The following C12orf50 variants were observed in gnomAD, a reference collection of about 807,000 sequenced individuals.
The protein encoded by C12orf50 is zinc finger CCCH-type containing 11D, also known as uncharacterized protein C12orf50.
A neutral mutation model predicts 61.6 loss-of-function variants in C12orf50; 35 were observed. The observed-to-expected ratio is 0.57, with a 90% confidence interval of 0.43 to 0.75. The LOEUF is 0.75. Among genes scored for constraint, C12orf50 ranks in the 30% least tolerant of loss-of-function variants. The pLI is 0.00. For missense variants in C12orf50, 475 were observed against 488.5 expected, an observed-to-expected ratio of 0.97 and a Z score of 0.26; for synonymous variants, 178 against 161.5, an observed-to-expected ratio of 1.10 and a Z score of -0.77.
chr12:88,020,370 A>G (rs2032470410), intron 3 of C12orf50, among the ~76,000 whole-genome samples: 1 of 152,228 alleles, frequency 6.6e-6, no homozygotes, highest in Admixed American at 6.5e-5. Context: ...CAAATGGAAA[A>G]CAAAAAATAT....
At chr12:88,006,726 T>C (rs1005075312) in intron 3 of C12orf50, among the ~76,000 whole-genome samples, 1 of 152,074 alleles carries the variant, frequency 6.6e-6, no homozygotes, top group Non-Finnish European at 1.5e-5. Flanking sequence ...TCTAGCAACA[T>C]GGAGTTGGGA....
At chr12:88,013,690 G>A (rs1461338246) in intron 3 of C12orf50, among the ~76,000 whole-genome samples, 1 of 152,238 alleles carries the variant, frequency 6.6e-6, no homozygotes, top group African/African-American at 2.4e-5. Context: ...GTTAATTGGT[G>A]AAGATAGGTG....
intron 3 of C12orf50, among the ~76,000 whole-genome samples, chr12:88,003,848 T>A (rs1471762750): frequency 6.6e-6 from 1 of 152,174 alleles, no homozygotes; most frequent in Non-Finnish European, 1.5e-5. Context: ...ATTAATTTTT[T>A]AATTAAATCT....
At chr12:88,004,117 C>T (rs540449392) in intron 3 of C12orf50, among the ~76,000 whole-genome samples, 23 of 151,054 alleles carry the variant, frequency 1.5e-4, no homozygotes, top group Admixed American at 1.4e-3. Context: ...AGGGTTTTTT[C>T]GTAGTTTTTA....
chr12:87,997,353 A>G lies in C12orf50; in HGVS notation c.289+682T>C, dbSNP rs143066175. Among the ~76,000 whole-genome samples the G allele has an allele frequency of 1.2e-4, 19 of 152,252 alleles. No individual in the cohort carries two copies. The East Asian group carries it at 3.7e-3, about 29-fold the overall frequency. The stretch of plus-strand genomic sequence containing the variant: ...TGTTTTAGAAACATATATAAAAAAC[A>G]TAGCTTATTAGTATCTCTATAAGCA... On this transcript the variant is annotated intron_variant, in intron 4 of 12. Transcript: ENST00000298699.
Position 87,980,343 on chromosome 12 carries a change from A to G in C12orf50, c.1233T>C (p.Asn411=). ...SEKIYPEPRR[N]GSK is the part of the protein sequence containing the mutation. ...TCAACCTCCAGGTTTACTTGCTCCC[A>G]TTTCTTCTTGGCTCTAATAATAAAA... is the stretch of plus-strand genomic sequence containing the variant. Residue 411 remains asparagine (N), a synonymous_variant, in exon 13 of 13, where the codon AAT becomes AAC. Coordinates refer to ENST00000298699, the MANE Select transcript of C12orf50 (RefSeq NM_152589.3). 1.9e-6 allele frequency: 3 copies of G among 1,609,702 alleles called. No individual in the cohort carries two copies. Among genetic ancestry groups the G allele is most frequent in the Non-Finnish European group, 2.5e-6 (3 of 1,177,242 alleles).
At chr12:87,986,221 G>T in intron 10 of C12orf50, 91 bp downstream of exon 10, 1 of 1,226,032 alleles carries the variant, frequency 8.2e-7, no homozygotes, top group East Asian at 2.5e-5. Context: ...TACGTCACAT[G>T]ACAGTAATTT....
At chr12:87,985,787 C>A in intron 11 of C12orf50, 63 bp downstream of exon 11, 1 of 1,550,604 alleles carries the variant, frequency 6.4e-7, no homozygotes, top group South Asian at 1.1e-5. Context: ...GCCAAGCTGT[C>A]AAGAAATTCC....
At chr12:87,994,422 A>G (rs2031286667) in intron 7 of C12orf50, among the ~76,000 whole-genome samples, 1 of 152,086 alleles carries the variant, frequency 6.6e-6, no homozygotes, top group Non-Finnish European at 1.5e-5. Context: ...AATATGAAAA[A>G]TGGAATGTCT....
At chr12:88,014,221 A>G (rs1261516239) in intron 3 of C12orf50, among the ~76,000 whole-genome samples, 82 of 152,332 alleles carry the variant, frequency 5.4e-4, no homozygotes, top group Non-Finnish European at 1.5e-5. Flanking sequence ...TGCATGGGTC[A>G]TTCAAATGAC....
intron 11 of C12orf50, chr12:87,985,614 A>T (rs1052802768): frequency 7.3e-6 from 4 of 551,684 alleles, no homozygotes; most frequent in African/African-American, 5.7e-5. Context: ...TGAGAAAAAA[A>T]CTCTAGGGAG....
chr12:87,989,916 C>T (rs893943129), intron 7 of C12orf50, among the ~76,000 whole-genome samples: 3 of 152,074 alleles, frequency 2.0e-5, no homozygotes, highest in Non-Finnish European at 2.9e-5. Flanking sequence ...TAAAATAATA[C>T]TTGCCATTCA....
intron 3 of C12orf50, among the ~76,000 whole-genome samples, chr12:88,000,155 T>C (rs1421398357): frequency 6.6e-6 from 1 of 152,114 alleles, no homozygotes; most frequent in African/African-American, 2.4e-5. Context: ...GATCCAATGT[T>C]CCAAAATGGA....
intron 3 of C12orf50, 151 bp downstream of exon 3, chr12:88,026,337 C>T: frequency 1.2e-6 from 1 of 850,584 alleles, no homozygotes; most frequent in Non-Finnish European, 1.7e-6. Flanking sequence ...TAAGCTTTCT[C>T]TTGTCTCATG....
chr12:87,998,029 A>G lies in C12orf50; in HGVS notation c.289+6T>C. ...GTATTGTAAACCTGAAAAAAGTTCT[A>G]CTAACCATTTTGTTCATCTACTTCC... On this transcript the variant is annotated splice_donor_region_variant and intron_variant, in intron 4 of 12. Coordinates refer to ENST00000298699, the MANE Select transcript of C12orf50 (RefSeq NM_152589.3). 6.2e-7 allele frequency: 1 copy of G among 1,604,718 alleles called. No individual in the cohort carries two copies. Among genetic ancestry groups the G allele is most frequent in the South Asian group, 1.1e-5 (1 of 89,260 alleles).
In C12orf50 at chr12:87,980,146, G is replaced by A; in HGVS notation, c.*185C>T. 1.7e-6 allele frequency: 1 copy of A among 590,422 alleles called. No individual in the cohort carries two copies. Among genetic ancestry groups the A allele is most frequent in the South Asian group, 2.4e-5 (1 of 40,842 alleles). The allele number at this position is 590,422 out of a possible 1,614,324, so 36.6% of individuals were successfully genotyped here. ...CTGTTGGTAATTTGCATTTTTATCA[G>A]TTTTGAAAGAGCACAATGTACTTCC... On this transcript the variant is annotated 3_prime_UTR_variant, in exon 13 of 13. Transcript: ENST00000298699.
intron 3 of C12orf50, among the ~76,000 whole-genome samples, chr12:88,025,640 G>A (rs1433872852): frequency 1.3e-5 from 2 of 152,222 alleles, no homozygotes; most frequent in African/African-American, 4.8e-5. Flanking sequence ...TCAGGAGGCT[G>A]AGGCATGAGA....
chr12:87,998,000 A>T, intron 4 of C12orf50, 35 bp downstream of exon 4: 1 of 1,550,862 alleles, frequency 6.4e-7, no homozygotes, highest in Non-Finnish European at 8.8e-7. Flanking sequence ...AGGTTTTTGA[A>T]TGTGTATTGT....
intron 1 of C12orf50, chr12:88,029,052 T>G: frequency 8.0e-7 from 1 of 1,252,990 alleles, no homozygotes; most frequent in Non-Finnish European, 1.0e-6. Flanking sequence ...GTACTGTCAA[T>G]TGTACAATAT....
Sources: gnomAD v4.1 joint callset for allele counts (sites outside exome capture counted in the v4.1 genomes callset) on GRCh38, gnomAD v4.1.1 for gene constraint, MANE v1.5 for transcripts, NCBI Gene and HGNC (gene_info 2026-07-23, HGNC 2026-07-21) for gene names.